Variants in RIMS2 observed in about 807,000 individuals in gnomAD.
RIMS2 encodes the protein regulating synaptic membrane exocytosis protein 2.
Under a neutral mutation model 174.4 loss-of-function variants are expected in RIMS2, and 59 were observed. The observed-to-expected ratio is 0.34, with a 90% CI of 0.27 to 0.42. RIMS2 has a LOEUF of 0.42. Ranked by LOEUF, RIMS2 falls within the 10% of genes least tolerant of loss-of-function variation. The pLI, the probability that RIMS2 is intolerant of heterozygous loss-of-function variation, is 1.00. For synonymous variants in RIMS2, 606 were observed against 572.5 expected (o/e 1.06, Z -0.84); for missense variants, 1,620 against 1,666.3 (o/e 0.97, Z 0.48).
intron 2 of RIMS2, among the ~76,000 whole-genome samples, chr8:103,742,248 G>A (rs1044883669): frequency 2.0e-5 from 3 of 152,152 alleles, no homozygotes; most frequent in African/African-American, 7.2e-5. Context: ...ATTTAGCCAA[G>A]TAAAACCAAA....
chr8:103,823,959 A>C (rs1190155552), intron 3 of RIMS2, among the ~76,000 whole-genome samples: 1 of 152,046 alleles, frequency 6.6e-6, no homozygotes, highest in Non-Finnish European at 1.5e-5. Flanking sequence ...GTTATTATAA[A>C]ATATTTTTAT....
chr8:103,870,789 T>C (rs2099107722), intron 3 of RIMS2, among the ~76,000 whole-genome samples: 2 of 152,192 alleles, frequency 1.3e-5, no homozygotes, highest in Admixed American at 1.3e-4. Flanking sequence ...AATTTCCTAC[T>C]TGGATTATTG....
chr8:103,931,831 C>G (rs1461172671), intron 12 of RIMS2, among the ~76,000 whole-genome samples: 2 of 152,006 alleles, frequency 1.3e-5, no homozygotes, highest in Admixed American at 1.3e-4. Flanking sequence ...TATTATTTCT[C>G]TCTATTCTAT....
At chr8:103,564,142 T>C (rs1185529349) in intron 1 of RIMS2, among the ~76,000 whole-genome samples, 1 of 152,232 alleles carries the variant, frequency 6.6e-6, no homozygotes, top group Non-Finnish European at 1.5e-5. Flanking sequence ...GAGAAGAACA[T>C]AACTTTTGTT....
intron 1 of RIMS2, among the ~76,000 whole-genome samples, chr8:103,563,411 C>T (rs929334167): frequency 2.0e-5 from 3 of 152,126 alleles, no homozygotes; most frequent in Admixed American, 6.6e-5. Flanking sequence ...TAAAATGCTG[C>T]GTCTCTTTGC....
At chr8:103,705,739 C>T (rs1235593514) in intron 2 of RIMS2, among the ~76,000 whole-genome samples, 1 of 151,598 alleles carries the variant, frequency 6.6e-6, no homozygotes, top group Non-Finnish European at 1.5e-5. Flanking sequence ...ATAGCTTCTG[C>T]TGATCTGTTT....
At chr8:103,819,297 C>T in intron 3 of RIMS2, 1 of 1,379,570 alleles carries the variant, frequency 7.2e-7, no homozygotes, top group South Asian at 1.6e-5. Context: ...CCGAAAGCTG[C>T]ACGGGTACTG....
chr8:103,574,787 C>A (rs2093090280), intron 1 of RIMS2, among the ~76,000 whole-genome samples: 1 of 152,152 alleles, frequency 6.6e-6, no homozygotes, highest in Non-Finnish European at 1.5e-5. Flanking sequence ...TTAGAGCATT[C>A]TTTGATTTAA....
At chr8:103,601,740 T>A (rs940646002) in intron 1 of RIMS2, among the ~76,000 whole-genome samples, 1 of 152,122 alleles carries the variant, frequency 6.6e-6, no homozygotes, top group African/African-American at 2.4e-5. Context: ...CTCTTTCCTG[T>A]CTTTTTTAGT....
chr8:104,083,177 C>A (rs1035334071), intron 19 of RIMS2, among the ~76,000 whole-genome samples: 12 of 152,190 alleles, frequency 7.9e-5, no homozygotes, highest in African/African-American at 2.7e-4. Context: ...CAGAGCAATT[C>A]TCAGGCCCCT....
chr8:103,529,434 G>A lies in RIMS2; in HGVS notation c.176+28372G>A, dbSNP rs548221615. Among the ~76,000 whole-genome samples the A allele has an allele frequency of 4.2e-4, 64 of 152,198 alleles. 1 individual carries two copies. Among genetic ancestry groups the A allele is most frequent in the Non-Finnish European group, 7.1e-4 (48 of 68,028 alleles). On this transcript the variant is annotated intron_variant, in intron 1 of 23. Transcript: ENST00000504942. ...TGTGGAACCCTCCGAGCCATGCGCG[G>A]GATATAATCTCCTGGTGTGCCATTT...
intron 10 of RIMS2, among the ~76,000 whole-genome samples, chr8:103,924,561 T>A (rs1265736879): frequency 6.6e-6 from 1 of 151,634 alleles, no homozygotes; most frequent in Non-Finnish European, 1.5e-5. Context: ...TTCATTCTTT[T>A]CTACCTTTGG....
At chr8:103,768,063 GATGAGGCA>G (rs2098199115) in intron 3 of RIMS2, among the ~76,000 whole-genome samples, 2 of 152,184 alleles carry the variant, frequency 1.3e-5, no homozygotes, top group Admixed American at 1.3e-4. Context: ...AATGGTGAAT[GATGAGGCA>G]ATGTGGTTGG....
At chr8:104,121,569 A>C (rs1039403887) in intron 19 of RIMS2, among the ~76,000 whole-genome samples, 2 of 152,256 alleles carry the variant, frequency 1.3e-5, no homozygotes, top group African/African-American at 4.8e-5. Context: ...CAAGACTATT[A>C]CAAAGTATGT....
intron 19 of RIMS2, among the ~76,000 whole-genome samples, chr8:104,089,941 A>T (rs2097609112): frequency 6.6e-6 from 1 of 151,626 alleles, no homozygotes; most frequent in South Asian, 2.1e-4. Context: ...TAAATCTTTG[A>T]CTTTTAGGTG....
At chr8:103,575,912 G>A (rs2093196773) in intron 1 of RIMS2, among the ~76,000 whole-genome samples, 1 of 152,120 alleles carries the variant, frequency 6.6e-6, no homozygotes, top group Non-Finnish European at 1.5e-5. Flanking sequence ...TGAGATCAAG[G>A]TGGATAACTA....
In RIMS2 at chr8:103,768,828, T is replaced by A. The variant is rs1036790739; in HGVS notation, c.698+2291T>A. 80 of 629,466 alleles carry A rather than the reference T, an allele frequency of 1.3e-4. No individual in the cohort carries two copies. In the East Asian group the frequency reaches 2.5e-3, roughly 19 times the overall value. 39.0% of individuals were successfully genotyped at this position (629,466 alleles called of 1,614,324 possible). ...AAATTCAGCGTCTTATTACTCCATGTGTCCTGCAGCACAAATGGTGCCATA... is the reference window on the plus strand; with the variant it reads ...AAATTCAGCGTCTTATTACTCCATGAGTCCTGCAGCACAAATGGTGCCATA... On this transcript the variant is annotated intron_variant, in intron 3 of 23. Transcript: ENST00000504942.
intron 19 of RIMS2, among the ~76,000 whole-genome samples, chr8:104,159,752 T>G (rs553611977): frequency 1.3e-5 from 2 of 152,322 alleles, no homozygotes; most frequent in South Asian, 4.1e-4. Context: ...TTGGAGACCT[T>G]TGCCCATTTC....
rs146066288 is a variant in RIMS2 at position 103,538,119 on chromosome 8, A to G, written c.176+37057A>G. Among the ~76,000 whole-genome samples, 390 of 152,234 alleles carry G rather than the reference A, an allele frequency of 2.6e-3. 1 individual carries two copies. The highest frequency in any genetic ancestry group is 4.7e-3 in the Non-Finnish European group (319 of 68,012). ...TCCTATGGTCTTTAAAATGGCATAT[A>G]TGTATACATATATGGCATAGTTAGG... On this transcript the variant is annotated intron_variant, in intron 1 of 23. Transcript: ENST00000504942.
Sources: gnomAD v4.1 joint callset for allele counts (sites outside exome capture counted in the v4.1 genomes callset) on GRCh38, gnomAD v4.1.1 for gene constraint, MANE v1.5 for transcripts, NCBI Gene and HGNC (gene_info 2026-07-23, HGNC 2026-07-21) for gene names.